EAF2: variants seen among roughly 807,000 people sequenced by gnomAD.
EAF2 encodes the protein ELL associated factor 2.
EAF2 carries 29 observed loss-of-function variants against 29.4 expected under a neutral mutation model. The observed-to-expected ratio is 0.99, with a 90% CI of 0.73 to 1.35. The LOEUF (loss-of-function observed/expected upper bound fraction) is 1.35, where lower values mean the gene tolerates loss of function less well. Among genes scored for constraint, EAF2 ranks in the 40% most tolerant of loss-of-function variants. EAF2 has a pLI of 0.00. For missense variants in EAF2, 292 were observed against 312.0 expected, an observed-to-expected ratio of 0.94 and a Z score of 0.48; for synonymous variants, 103 against 102.5, an observed-to-expected ratio of 1.00 and a Z score of -0.03.
chr3:121,840,689 C>A (rs1191007916), intron 1 of EAF2, among the ~76,000 whole-genome samples: 3 of 150,664 alleles, frequency 2.0e-5, no homozygotes, highest in Non-Finnish European at 4.4e-5. Flanking sequence ...CGCCTGTGGT[C>A]CCAGCCATTC....
intron 2 of EAF2, among the ~76,000 whole-genome samples, chr3:121,845,817 C>T (rs1251764889): frequency 1.3e-5 from 2 of 152,042 alleles, no homozygotes; most frequent in Admixed American, 6.5e-5. Context: ...AAGTTTTGTC[C>T]ATTAAAAAAA....
chr3:121,882,285 G>T (rs1171158810), intron 5 of EAF2, among the ~76,000 whole-genome samples: 3 of 151,260 alleles, frequency 2.0e-5, no homozygotes, highest in Non-Finnish European at 2.9e-5. Context: ...GGAGGTGGAG[G>T]TTACAGTAAG....
intron 5 of EAF2, among the ~76,000 whole-genome samples, chr3:121,880,714 A>C (rs1416470341): frequency 1.3e-5 from 2 of 151,776 alleles, no homozygotes; most frequent in Non-Finnish European, 2.9e-5. Flanking sequence ...GATACCCTTT[A>C]TTTTTCTCTC....
intron 5 of EAF2, among the ~76,000 whole-genome samples, chr3:121,875,820 TAAG>T (rs2107543745): frequency 7.9e-6 from 1 of 126,402 alleles, no homozygotes; most frequent in East Asian, 2.4e-4. Flanking sequence ...AACCAATAAA[TAAG>T]AAAAACTGTA....
At chr3:121,862,988 C>A (rs1461005758) in intron 4 of EAF2, among the ~76,000 whole-genome samples, 1 of 152,174 alleles carries the variant, frequency 6.6e-6, no homozygotes, top group Non-Finnish European at 1.5e-5. Context: ...CTGGGTATCA[C>A]CAGCGGAGGC....
chr3:121,866,988 G>C (rs57797010), intron 4 of EAF2, among the ~76,000 whole-genome samples: 1 of 152,158 alleles, frequency 6.6e-6, no homozygotes, highest in Non-Finnish European at 1.5e-5. Flanking sequence ...GTAAGAATCA[G>C]ATGGAAATTA....
chr3:121,847,837 A>G (rs1273246353), intron 2 of EAF2, among the ~76,000 whole-genome samples: 1 of 152,160 alleles, frequency 6.6e-6, no homozygotes, highest in Non-Finnish European at 1.5e-5. Context: ...GTTTTTAGGA[A>G]GGCCTGTCTT....
chr3:121,840,805 CAAAA>C (rs5852282), intron 1 of EAF2, among the ~76,000 whole-genome samples: 2 of 86,890 alleles, frequency 2.3e-5, no homozygotes, highest in African/African-American at 4.7e-5. Flanking sequence ...GACTCCGTCT[CAAAA>C]AAAAAAAAAA....
At chr3:121,852,240 A>T (rs1708647043) in intron 2 of EAF2, among the ~76,000 whole-genome samples, 1 of 152,200 alleles carries the variant, frequency 6.6e-6, no homozygotes, top group African/African-American at 2.4e-5. Context: ...ATTCCATTCT[A>T]ATTAAGAGTA....
At position 121,886,340 on chromosome 3, in the gene EAF2, A is replaced by G; in HGVS notation, c.737-2A>G. 1.4e-6 allele frequency: 2 copies of G among 1,480,442 alleles called. No homozygotes were observed. Among genetic ancestry groups the G allele is most frequent in the African/African-American group, 1.4e-5 (1 of 70,190 alleles). 91.7% of individuals were successfully genotyped at this position (1,480,442 alleles called of 1,614,324 possible). A position where few individuals can be genotyped will look rare whatever the true frequency, so the allele number is the denominator to read the frequency against. ...AGTTTTGTTATTTCTTTCTTATTTT[A>G]GGAAATGATTTGCAGCTGAGTGAAT... On this transcript the variant is annotated splice_acceptor_variant, in intron 5 of 5. Transcript: ENST00000273668. LOFTEE classifies it high-confidence loss of function.
intron 4 of EAF2, among the ~76,000 whole-genome samples, chr3:121,866,180 C>G (rs1385960008): frequency 2.6e-5 from 4 of 152,120 alleles, no homozygotes; most frequent in Admixed American, 1.3e-4. Flanking sequence ...CTGGTGAAGT[C>G]CCTTCTTTCC....
intron 4 of EAF2, among the ~76,000 whole-genome samples, 200 bp from the exon 5 acceptor site, chr3:121,872,336 CT>C (rs1709028984): frequency 6.6e-6 from 1 of 151,808 alleles, no homozygotes; most frequent in South Asian, 2.1e-4. Context: ...TTGTCTATCC[CT>C]TTTAGTTTCT....
chr3:121,836,593 C>T, intron 1 of EAF2: 5 of 972,642 alleles, frequency 5.1e-6, no homozygotes, highest in Non-Finnish European at 6.1e-6. Context: ...AACAGAAACT[C>T]TTCAACAGTG....
At chr3:121,848,138 C>T (rs1382807834) in intron 2 of EAF2, among the ~76,000 whole-genome samples, 2 of 152,008 alleles carry the variant, frequency 1.3e-5, no homozygotes. Flanking sequence ...TTGTAAATAC[C>T]TTTGTTATAA....
intron 4 of EAF2, among the ~76,000 whole-genome samples, chr3:121,866,458 G>C (rs577202207): frequency 6.6e-6 from 1 of 152,160 alleles, no homozygotes; most frequent in African/African-American, 2.4e-5. Context: ...GGGTGCGGTG[G>C]CTCACATCTG....
chr3:121,885,152 T>TA (rs1435017595), intron 5 of EAF2, among the ~76,000 whole-genome samples: 20 of 152,356 alleles, frequency 1.3e-4, no homozygotes, highest in Admixed American at 2.6e-4. Flanking sequence ...CAGTAAATGA[T>TA]AACTCAGTAA....
At chr3:121,840,805 C>CAAAA (rs5852282) in intron 1 of EAF2, among the ~76,000 whole-genome samples, 10,074 of 86,164 alleles carry the variant, frequency 0.12, 978 homozygotes, top group Admixed American at 0.19. Flanking sequence ...GACTCCGTCT[C>CAAAA]AAAAAAAAAA....
At chr3:121,839,015 A>T (rs1206404091) in intron 1 of EAF2, among the ~76,000 whole-genome samples, 7 of 152,028 alleles carry the variant, frequency 4.6e-5, no homozygotes, top group African/African-American at 1.2e-4. Context: ...TCAACCCAAA[A>T]TTTTTTTTGT....
chr3:121,844,091 T>A (rs1332048422), intron 1 of EAF2, among the ~76,000 whole-genome samples: 2 of 152,136 alleles, frequency 1.3e-5, no homozygotes, highest in Non-Finnish European at 2.9e-5. Context: ...AAAAAAGGAC[T>A]GAAAATTGAA....
Sources: gnomAD v4.1 joint callset for allele counts (sites outside exome capture counted in the v4.1 genomes callset) on GRCh38, gnomAD v4.1.1 for gene constraint, MANE v1.5 for transcripts, NCBI Gene and HGNC (gene_info 2026-07-23, HGNC 2026-07-21) for gene names.